Variants in GRM7 observed in about 807,000 individuals in gnomAD.
The protein encoded by GRM7 is glutamate metabotropic receptor 7.
In GRM7, 35 loss-of-function variants were observed where a neutral mutation model predicts 84.5. The ratio of observed to expected loss-of-function variants is 0.41; its 90% confidence interval spans 0.32 to 0.55. The LOEUF is 0.55. Among genes scored for constraint, GRM7 ranks in the 20% least tolerant of loss-of-function variants. The probability of loss-of-function intolerance (pLI) is 0.19; values close to 1 mark genes in which losing one functional copy is unlikely to be tolerated. For missense variants in GRM7, 1,003 were observed against 1,194.6 expected, an observed-to-expected ratio of 0.84 and a Z score of 2.36; for synonymous variants, 487 against 455.1, an observed-to-expected ratio of 1.07 and a Z score of -0.89.
chr3:7,650,851 G>A (rs565250711), intron 8 of GRM7, among the ~76,000 whole-genome samples: 1 of 152,272 alleles, frequency 6.6e-6, no homozygotes, highest in East Asian at 1.9e-4. Flanking sequence ...CTGAGTAGCT[G>A]GGATTACAGG....
chr3:7,107,322 G>C (rs1266424215), intron 1 of GRM7, among the ~76,000 whole-genome samples: 1 of 151,990 alleles, frequency 6.6e-6, no homozygotes, highest in Non-Finnish European at 1.5e-5. Context: ...TTGCTGAGTG[G>C]ATATTTATGT....
chr3:7,696,158 A>G (rs1449806567), intron 9 of GRM7, among the ~76,000 whole-genome samples: 1 of 152,158 alleles, frequency 6.6e-6, no homozygotes, highest in Non-Finnish European at 1.5e-5. Context: ...GCTTATGAGA[A>G]TTGTCTATAG....
chr3:7,620,997 C>T (rs147107871), intron 8 of GRM7, among the ~76,000 whole-genome samples: 15 of 152,172 alleles, frequency 9.9e-5, no homozygotes, highest in East Asian at 1.9e-4. Context: ...TCCAGGGTGT[C>T]GTAGTCTTAG....
intron 7 of GRM7, among the ~76,000 whole-genome samples, chr3:7,575,576 C>T (rs540153192): frequency 6.6e-6 from 1 of 152,246 alleles, no homozygotes; most frequent in East Asian, 1.9e-4. Flanking sequence ...TAGATATATA[C>T]AAATGATATA....
At chr3:7,582,646 T>C (rs1035994329) in intron 8 of GRM7, among the ~76,000 whole-genome samples, 8 of 148,556 alleles carry the variant, frequency 5.4e-5, no homozygotes, top group Admixed American at 6.8e-5. Context: ...TTTCTGTGCA[T>C]ATTATAACAG....
At position 6,970,170 on chromosome 3, in the gene GRM7, TC is replaced by T. The variant is rs567257265; in HGVS notation, c.519+108264del. ...TCCCAGCCAAGAGTGACTCAGGGCATCTTCCAGTGCAAAAAGCTAGCCTCTC... is the reference window on the plus strand; with the variant it reads ...TCCCAGCCAAGAGTGACTCAGGGCATTTCCAGTGCAAAAAGCTAGCCTCTC... On this transcript the variant is annotated intron_variant, in intron 1 of 9. Transcript: ENST00000357716. 2.0e-5 allele frequency among the ~76,000 whole-genome samples: 3 copies of T among 151,754 alleles called. No individual in the cohort carries two copies. The South Asian group carries it at 6.3e-4, about 32-fold the overall frequency.
At chr3:7,413,093 T>C (rs935999957) in intron 4 of GRM7, among the ~76,000 whole-genome samples, 3 of 152,168 alleles carry the variant, frequency 2.0e-5, no homozygotes, top group African/African-American at 4.8e-5. Flanking sequence ...ATGTCTTGTA[T>C]TGGACAGCCT....
At chr3:7,611,435 T>C (rs1302696962) in intron 8 of GRM7, among the ~76,000 whole-genome samples, 4 of 152,158 alleles carry the variant, frequency 2.6e-5, no homozygotes, top group African/African-American at 7.2e-5. Context: ...TCCTCCAAGA[T>C]ACCTGTCATC....
intron 8 of GRM7, among the ~76,000 whole-genome samples, chr3:7,630,276 T>C (rs1370012058): frequency 1.3e-5 from 2 of 151,876 alleles, no homozygotes; most frequent in Non-Finnish European, 2.9e-5. Flanking sequence ...TTCTGCCCAT[T>C]CTATTAAGCT....
At chr3:7,727,720 A>G (rs989045633) in intron 9 of GRM7, among the ~76,000 whole-genome samples, 5 of 152,196 alleles carry the variant, frequency 3.3e-5, no homozygotes, top group African/African-American at 9.6e-5. Context: ...GAGGACAAAG[A>G]CATCTTACTC....
intron 1 of GRM7, among the ~76,000 whole-genome samples, chr3:6,938,016 A>G (rs501305): frequency 0.22 from 32,899 of 152,180 alleles, 3,705 homozygotes; most frequent in East Asian, 0.32. Flanking sequence ...GAAATTGGCT[A>G]TGATGACACA....
At chr3:7,679,306 ATCAGGGGG>A (rs936833721) in intron 8 of GRM7, among the ~76,000 whole-genome samples, 1 of 151,936 alleles carries the variant, frequency 6.6e-6, no homozygotes, top group African/African-American at 2.4e-5. Flanking sequence ...AAGACAGGGG[ATCAGGGGG>A]TCAGGGAGTT....
At chr3:7,446,816 C>T (rs993297342) in intron 5 of GRM7, among the ~76,000 whole-genome samples, 13 of 151,934 alleles carry the variant, frequency 8.6e-5, no homozygotes, top group African/African-American at 2.9e-4. Context: ...TTTTCCATAT[C>T]TTTTTTATCC....
At chr3:7,077,977 A>C (rs1243396779) in intron 1 of GRM7, among the ~76,000 whole-genome samples, 1 of 149,738 alleles carries the variant, frequency 6.7e-6, no homozygotes, top group African/African-American at 2.4e-5. Flanking sequence ...TTTGCTGGCC[A>C]CACTGTTTCT....
At chr3:7,352,022 G>A (rs1389523268) in intron 4 of GRM7, among the ~76,000 whole-genome samples, 3 of 143,512 alleles carry the variant, frequency 2.1e-5, no homozygotes, top group Non-Finnish European at 3.0e-5. Flanking sequence ...TCAGTCATTC[G>A]TTCATTCTCT....
chr3:7,094,265 A>G (rs1698775919), intron 1 of GRM7, among the ~76,000 whole-genome samples: 1 of 152,232 alleles, frequency 6.6e-6, no homozygotes, highest in African/African-American at 2.4e-5. Context: ...AATGAGTATA[A>G]GAGATTATCT....
At chr3:6,879,781 A>G (rs899711064) in intron 1 of GRM7, among the ~76,000 whole-genome samples, 2 of 152,222 alleles carry the variant, frequency 1.3e-5, no homozygotes, top group Non-Finnish European at 2.9e-5. Flanking sequence ...CTGCAATAAT[A>G]GAACCTGAAT....
At chr3:7,369,845 T>C (rs766502078) in intron 4 of GRM7, among the ~76,000 whole-genome samples, 8 of 152,142 alleles carry the variant, frequency 5.3e-5, no homozygotes, top group Non-Finnish European at 7.4e-5. Context: ...CTTGGAGAAA[T>C]GTGGCAAAAT....
intron 2 of GRM7, among the ~76,000 whole-genome samples, chr3:7,181,615 T>G (rs1363741211): frequency 1.3e-5 from 2 of 152,058 alleles, no homozygotes; most frequent in Non-Finnish European, 2.9e-5. Context: ...ATTTATTTAT[T>G]TATTTATTTT....
Sources: allele counts gnomAD v4.1 joint callset (sites outside exome capture counted in the v4.1 genomes callset), GRCh38; gene constraint gnomAD v4.1.1; transcripts MANE v1.5; gene names NCBI Gene and HGNC (gene_info 2026-07-23, HGNC 2026-07-21).